The following RNF128 variants were observed in gnomAD, a reference collection of about 807,000 sequenced individuals.
The protein encoded by RNF128 is E3 ubiquitin-protein ligase RNF128.
A neutral mutation model predicts 26.2 loss-of-function variants in RNF128; 13 were observed. The ratio of observed to expected loss-of-function variants is 0.50; its 90% confidence interval spans 0.32 to 0.79. RNF128 has a LOEUF of 0.79. Ranked by LOEUF, RNF128 falls within the 30% of genes least tolerant of loss-of-function variation. The pLI is 0.03. For synonymous variants in RNF128, 149 were observed against 142.5 expected, an observed-to-expected ratio of 1.05 and a Z score of -0.32; for missense variants, 315 against 349.7, an observed-to-expected ratio of 0.90 and a Z score of 0.79.
chrX:106,760,922 C>G (rs1213546339), intron 1 of RNF128, among the ~76,000 whole-genome samples: 2 of 111,699 alleles, frequency 1.8e-5, no homozygotes, highest in African/African-American at 6.5e-5. Flanking sequence ...TTGGCAAATG[C>G]AACCTAATTA....
Position 106,727,968 on chromosome X carries a change from C to T in RNF128, c.484+571C>T, listed in dbSNP as rs1378183902. Reference sequence around the variant, plus strand: ...TCTCAAGTCCCAAGTGACTTGGTATCAGTGCTTTTGTTTGCTTCTGAAAAA... The same window carrying T: ...TCTCAAGTCCCAAGTGACTTGGTATTAGTGCTTTTGTTTGCTTCTGAAAAA... On this transcript the variant is annotated intron_variant, in intron 1 of 6. Coordinates refer to ENST00000255499, the MANE Select transcript of RNF128 (RefSeq NM_194463.2). Among the ~76,000 whole-genome samples, 10 of 111,563 alleles carry T rather than the reference C, an allele frequency of 9.0e-5. No homozygotes were observed. In the Admixed American group the frequency reaches 9.5e-4, roughly 11 times the overall value.
At chrX:106,719,202 A>T (rs1050936541) in intron 1 of RNF128, among the ~76,000 whole-genome samples, 3 of 92,602 alleles carry the variant, frequency 3.2e-5, no homozygotes, top group African/African-American at 7.9e-5. Context: ...CCTGTAGATT[A>T]AAAAAAAAAA....
chrX:106,699,990 T>C (rs1228044518), intron 1 of RNF128, among the ~76,000 whole-genome samples: 1 of 109,797 alleles, frequency 9.1e-6, no homozygotes, highest in African/African-American at 3.3e-5. Context: ...TTAATGTATA[T>C]TTTCTTTTTT....
chrX:106,788,296 G>C (rs1177259716), intron 4 of RNF128, among the ~76,000 whole-genome samples: 1 of 55,941 alleles, frequency 1.8e-5, no homozygotes, highest in Non-Finnish European at 3.1e-5. Flanking sequence ...ATTATATATA[G>C]TATATATACT....
intron 1 of RNF128, among the ~76,000 whole-genome samples, chrX:106,763,377 G>C (rs1930151343): frequency 8.9e-6 from 1 of 111,913 alleles, no homozygotes; most frequent in Non-Finnish European, 1.9e-5. Context: ...TAGGTGACCA[G>C]AGGGGTTGTT....
Position 106,790,230 on chromosome X carries a change from A to G in RNF128, c.932A>G (p.His311Arg), listed in dbSNP as rs759331145. 1 of 1,203,425 alleles carries G rather than the reference A, an allele frequency of 8.3e-7. No homozygotes were observed. The highest frequency in any genetic ancestry group is 1.1e-6 in the Non-Finnish European group (1 of 890,667). The part of the protein sequence containing the change: ...KTCVDPWLLE[H>R]RTCPMCKCDI... ...TGTGTTGACCCATGGCTGTTAGAACACAGGACTTGCCCCATGTGCAAATGT... is the reference window on the plus strand; with the variant it reads ...TGTGTTGACCCATGGCTGTTAGAACGCAGGACTTGCCCCATGTGCAAATGT... The change falls in exon 5 of 7, where the codon CAC (histidine) becomes CGC (arginine). Residue 311 changes from histidine (H) to arginine (R), a missense_variant. His to Arg is a conservative substitution (Grantham distance 29). Transcript: ENST00000255499.
intron 3 of RNF128, 79 bp from the exon 4 acceptor site, chrX:106,787,839 C>T: frequency 1.6e-6 from 1 of 634,721 alleles, no homozygotes; most frequent in Non-Finnish European, 2.5e-6. Context: ...TGGTTAAGTA[C>T]ATGTATGTTC....
intron 2 of RNF128, among the ~76,000 whole-genome samples, chrX:106,781,073 A>G (rs1451850798): frequency 2.7e-5 from 3 of 111,938 alleles, no homozygotes; most frequent in African/African-American, 9.7e-5. Flanking sequence ...AAATCAAGAA[A>G]GTCTGTTTAT....
intron 1 of RNF128, among the ~76,000 whole-genome samples, chrX:106,732,919 C>A (rs1159216445): frequency 1.8e-5 from 2 of 110,838 alleles, no homozygotes; most frequent in East Asian, 2.8e-4. Context: ...AAGTAAAAAT[C>A]TTTTTTAAAA....
At chrX:106,759,405 C>T (rs1930081711) in intron 1 of RNF128, among the ~76,000 whole-genome samples, 1 of 111,173 alleles carries the variant, frequency 9.0e-6, no homozygotes, top group East Asian at 2.8e-4. Flanking sequence ...ATAGAATTAC[C>T]GTATAATCCA....
chrX:106,717,384 C>T (rs1278480538), intron 1 of RNF128, among the ~76,000 whole-genome samples: 1 of 111,508 alleles, frequency 9.0e-6, no homozygotes, highest in African/African-American at 3.3e-5. Flanking sequence ...ATTAATATCA[C>T]TTCTCTTTTC....
chrX:106,710,746 C>CAAA (rs11326354), intron 1 of RNF128, among the ~76,000 whole-genome samples: 9 of 35,186 alleles, frequency 2.6e-4, no homozygotes, highest in Admixed American at 4.5e-4. Context: ...GAAAGTCTGT[C>CAAA]AAAAAAAAAA....
rs755815087 is a variant in RNF128, at chrX:106,787,973, A to G, written c.860A>G (p.Asn287Ser). The change falls in exon 4 of 7, where the codon AAT becomes AGT. Residue 287 changes from asparagine to serine, a missense_variant. Asn to Ser is a conservative substitution (Grantham distance 46). Transcript: ENST00000255499. ...GTGTGCATTGAATTGTATAAACCAAATGATTTGGTACGCATCTTAACGTGC... is the reference window on the plus strand; with the variant it reads ...GTGTGCATTGAATTGTATAAACCAAGTGATTTGGTACGCATCTTAACGTGC... ...CAVCIELYKP[N>S]DLVRILTCNH... 3.5e-5 allele frequency: 41 copies of G among 1,175,968 alleles called. No homozygotes were observed. In the Admixed American group the frequency reaches 9.5e-4, roughly 27 times the overall value.
chrX:106,708,443 T>C (rs1390543406), intron 1 of RNF128, among the ~76,000 whole-genome samples: 1 of 112,451 alleles, frequency 8.9e-6, no homozygotes, highest in Non-Finnish European at 1.9e-5. Context: ...CTTATCTACA[T>C]AAGCTATTGT....
intron 1 of RNF128, among the ~76,000 whole-genome samples, chrX:106,720,910 G>A (rs773409024): frequency 9.0e-6 from 1 of 111,598 alleles, no homozygotes; most frequent in Non-Finnish European, 1.9e-5. Flanking sequence ...TTATGGATAT[G>A]AAAAGATTGT....
chrX:106,722,878 G>T (rs1050339909), upstream of RNF128, among the ~76,000 whole-genome samples: 1 of 111,161 alleles, frequency 9.0e-6, no homozygotes, highest in Admixed American at 9.5e-5. Context: ...CTCAGAGCAA[G>T]GGGGGTTCAT....
intron 1 of RNF128, among the ~76,000 whole-genome samples, chrX:106,706,887 T>A (rs185163158): frequency 8.1e-4 from 90 of 111,785 alleles, no homozygotes; most frequent in Middle Eastern, 4.7e-3. Flanking sequence ...CATGAAGTCA[T>A]CCTTGTTTTC....
At chrX:106,766,461 T>C (rs912225930) in intron 1 of RNF128, among the ~76,000 whole-genome samples, 10 of 112,405 alleles carry the variant, frequency 8.9e-5, no homozygotes, top group African/African-American at 3.2e-4. Context: ...TCTCTGATGG[T>C]CAGTGATGAT....
chrX:106,727,530 G>A (rs1017917549), intron 1 of RNF128, 133 bp downstream of exon 1: 2 of 844,340 alleles, frequency 2.4e-6, no homozygotes, highest in Non-Finnish European at 3.3e-6. Flanking sequence ...CCCACGGAGT[G>A]GGGCAGGGTC....
Sources: allele counts gnomAD v4.1 joint callset (sites outside exome capture counted in the v4.1 genomes callset), GRCh38; gene constraint gnomAD v4.1.1; transcripts MANE v1.5; gene names NCBI Gene and HGNC (gene_info 2026-07-23, HGNC 2026-07-21).